Variants in MRTFB observed in about 807,000 individuals in gnomAD.
The protein encoded by MRTFB is myocardin-related transcription factor B.
In MRTFB, 29 loss-of-function variants were observed where a neutral mutation model predicts 104.2. The observed-to-expected ratio is 0.28, with a 90% CI of 0.21 to 0.38. MRTFB has a LOEUF of 0.38. Ranked by LOEUF, MRTFB falls within the 10% of genes least tolerant of loss-of-function variation. The pLI is 1.00. For synonymous variants in MRTFB, 535 were observed against 519.5 expected (o/e 1.03, Z -0.41); for missense variants, 1,270 against 1,341.6 (o/e 0.95, Z 0.83).
the MRTFB span, among the ~76,000 whole-genome samples, chr16:14,011,181 A>G: frequency 1.3e-5 from 2 of 152,228 alleles, no homozygotes; most frequent in Admixed American, 1.3e-4. Context: ...AGCCCAGGCA[A>G]TGATTGACAG....
chr16:14,017,725 TTTTTTTTTTG>T, the MRTFB span, among the ~76,000 whole-genome samples: 1 of 79,436 alleles, frequency 1.3e-5, no homozygotes, highest in African/African-American at 3.7e-5. Flanking sequence ...TTTTTTTTTT[TTTTTTTTTTG>T]AGACAGGGTC....
At chr16:14,161,213 G>A (rs2039025247) in intron 3 of MRTFB, among the ~76,000 whole-genome samples, 1 of 149,202 alleles carries the variant, frequency 6.7e-6, no homozygotes, top group Non-Finnish European at 1.5e-5. Flanking sequence ...TCATGAAGTA[G>A]GTGAACAAAG....
intron 15 of MRTFB, 98 bp downstream of exon 15, chr16:14,252,600 T>G: frequency 7.3e-7 from 1 of 1,368,104 alleles, no homozygotes; most frequent in Non-Finnish European, 9.7e-7. Flanking sequence ...TGAAACTGAC[T>G]TGCCTCAATA....
At chr16:14,252,742 TCTTAA>T (rs1325877678) in intron 15 of MRTFB, among the ~76,000 whole-genome samples, 2 of 152,220 alleles carry the variant, frequency 1.3e-5, no homozygotes, top group Admixed American at 6.5e-5. Flanking sequence ...AGGGTTTATC[TCTTAA>T]CTTTTCTTTT....
At chr16:14,025,392 C>T in the MRTFB span, among the ~76,000 whole-genome samples, 2 of 152,158 alleles carry the variant, frequency 1.3e-5, no homozygotes, top group Non-Finnish European at 2.9e-5. Flanking sequence ...CTATGTTGCT[C>T]AGCCTAAGGA....
chr16:14,099,868 G>C (rs527611836), intron 2 of MRTFB, among the ~76,000 whole-genome samples: 4 of 151,920 alleles, frequency 2.6e-5, no homozygotes, highest in African/African-American at 9.6e-5. Flanking sequence ...GGATTTCACT[G>C]TGTTGGCCAG....
At chr16:14,120,160 ATCC>A in intron 2 of MRTFB, among the ~76,000 whole-genome samples, 3 of 152,036 alleles carry the variant, frequency 2.0e-5, no homozygotes, top group Non-Finnish European at 2.9e-5. Flanking sequence ...GTATGTTTAT[ATCC>A]TTATATATCT....
intron 3 of MRTFB, among the ~76,000 whole-genome samples, chr16:14,146,658 C>A (rs2038333292): frequency 6.6e-6 from 1 of 152,182 alleles, no homozygotes; most frequent in African/African-American, 2.4e-5. Context: ...GCTTGCCTCA[C>A]ACTATAGAAA....
At chr16:14,234,048 G>C (rs1403221038) in intron 8 of MRTFB, 98 bp from the exon 9 acceptor site, 1 of 1,453,134 alleles carries the variant, frequency 6.9e-7, no homozygotes, top group Non-Finnish European at 9.4e-7. Flanking sequence ...TTCTTTTCTA[G>C]TGGGCTTAAA....
chr16:14,095,180 A>G (rs544227033), intron 2 of MRTFB, among the ~76,000 whole-genome samples: 14 of 152,218 alleles, frequency 9.2e-5, no homozygotes, highest in Non-Finnish European at 1.9e-4. Flanking sequence ...TTTCTCTCCC[A>G]TGTTAAGACA....
the MRTFB span, among the ~76,000 whole-genome samples, chr16:14,047,895 A>T: frequency 6.6e-6 from 1 of 152,130 alleles, no homozygotes; most frequent in Admixed American, 6.5e-5. Flanking sequence ...AAAACTAATC[A>T]TGCCTTCCCA....
intron 3 of MRTFB, among the ~76,000 whole-genome samples, chr16:14,175,876 G>GTA (rs2039565571): frequency 6.6e-6 from 1 of 152,172 alleles, no homozygotes; most frequent in Non-Finnish European, 1.5e-5. Context: ...ACCACATACT[G>GTA]TATGATTCCA....
intron 6 of MRTFB, among the ~76,000 whole-genome samples, chr16:14,215,855 A>G (rs1033805997): frequency 1.7e-4 from 26 of 152,370 alleles, no homozygotes; most frequent in Non-Finnish European, 1.3e-4. Context: ...GTTCACATCA[A>G]TCGGAGCTTT....
chr16:14,011,688 A>G, the MRTFB span, among the ~76,000 whole-genome samples: 1 of 152,108 alleles, frequency 6.6e-6, no homozygotes, highest in African/African-American at 2.4e-5. Flanking sequence ...CCTGGCCAAC[A>G]TGGTGAAACC....
At chr16:13,999,054 GTAGCATGTGCCTGTAGTCCCAGC>G in the MRTFB span, among the ~76,000 whole-genome samples, 1 of 151,700 alleles carries the variant, frequency 6.6e-6, no homozygotes, top group Non-Finnish European at 1.5e-5. Flanking sequence ...GCCAGGCGTG[GTAGCATGTGCCTGTAGTCCCAGC>G]TACTCGGGAG....
the MRTFB span, among the ~76,000 whole-genome samples, chr16:14,019,842 C>T: frequency 6.6e-6 from 1 of 152,202 alleles, no homozygotes; most frequent in African/African-American, 2.4e-5. Context: ...AAAAGGCTTA[C>T]AGAAATTCCA....
At chr16:14,166,219 T>TTC (rs899140936) in intron 3 of MRTFB, among the ~76,000 whole-genome samples, 3 of 142,964 alleles carry the variant, frequency 2.1e-5, no homozygotes, top group African/African-American at 8.2e-5. Context: ...TTTCTTTTCT[T>TTC]TTTTTTTTTT....
At chr16:14,113,358 T>C (rs772618848) in intron 2 of MRTFB, among the ~76,000 whole-genome samples, 6 of 152,234 alleles carry the variant, frequency 3.9e-5, no homozygotes, top group Admixed American at 3.3e-4. Context: ...TCTTTATTTT[T>C]TTAATTGCTT....
At chr16:14,097,158 C>T (rs1415519746) in intron 2 of MRTFB, among the ~76,000 whole-genome samples, 1 of 152,172 alleles carries the variant, frequency 6.6e-6, no homozygotes, top group South Asian at 2.1e-4. Flanking sequence ...CCTTGCAGTT[C>T]AGTACTGACC....
Sources: allele counts gnomAD v4.1 joint callset (sites outside exome capture counted in the v4.1 genomes callset), GRCh38; gene constraint gnomAD v4.1.1; transcripts MANE v1.5; gene names NCBI Gene and HGNC (gene_info 2026-07-23, HGNC 2026-07-21).